Variants in CACNA1D observed in about 807,000 individuals in gnomAD.
CACNA1D encodes the protein calcium voltage-gated channel subunit alpha1 D.
In CACNA1D, 55 loss-of-function variants were observed where a neutral mutation model predicts 257.1. The ratio of observed to expected loss-of-function variants is 0.21; its 90% confidence interval spans 0.17 to 0.27. The LOEUF (loss-of-function observed/expected upper bound fraction) is 0.27. CACNA1D is among the 10% of genes least tolerant of loss of function. The pLI is 1.00. For synonymous variants in CACNA1D, 980 were observed against 1,014.9 expected, an observed-to-expected ratio of 0.97 and a Z score of 0.65; for missense variants, 1,876 against 2,784.0, an observed-to-expected ratio of 0.67 and a Z score of 7.34.
At chr3:53,588,241 G>A (rs949911788) in intron 3 of CACNA1D, among the ~76,000 whole-genome samples, 1 of 152,130 alleles carries the variant, frequency 6.6e-6, no homozygotes, top group African/African-American at 2.4e-5. Flanking sequence ...CAAGGGACCC[G>A]CTCTGTGAGG....
chr3:53,651,419 A>T (rs1326461820), intron 4 of CACNA1D, among the ~76,000 whole-genome samples: 1 of 112,928 alleles, frequency 8.9e-6, no homozygotes, highest in Non-Finnish European at 1.7e-5. Flanking sequence ...CTGGCATACT[A>T]CTGTTCCATT....
chr3:53,684,721 A>C (rs1228457783), intron 8 of CACNA1D, among the ~76,000 whole-genome samples: 1 of 152,120 alleles, frequency 6.6e-6, no homozygotes, highest in Non-Finnish European at 1.5e-5. Flanking sequence ...AAGTAAGCAC[A>C]AGGTATTATG....
At chr3:53,570,714 T>C (rs760285555) in intron 3 of CACNA1D, among the ~76,000 whole-genome samples, 24 of 152,260 alleles carry the variant, frequency 1.6e-4, no homozygotes, top group South Asian at 6.2e-4. Flanking sequence ...AAATAATGCA[T>C]GAGCAAAATA....
At chr3:53,647,480 T>C (rs1383818196) in intron 3 of CACNA1D, among the ~76,000 whole-genome samples, 1 of 152,230 alleles carries the variant, frequency 6.6e-6, no homozygotes, top group East Asian at 1.9e-4. Flanking sequence ...TCCTCTGTGC[T>C]TCCATCAGTC....
intron 3 of CACNA1D, among the ~76,000 whole-genome samples, chr3:53,630,691 G>A (rs899245937): frequency 3.3e-5 from 5 of 152,206 alleles, no homozygotes; most frequent in African/African-American, 1.2e-4. Flanking sequence ...CAAATGACAA[G>A]TTGGTTAAAA....
intron 3 of CACNA1D, among the ~76,000 whole-genome samples, chr3:53,583,960 G>A (rs1056389475): frequency 6.6e-6 from 1 of 152,222 alleles, no homozygotes; most frequent in Non-Finnish European, 1.5e-5. Flanking sequence ...GCATCAGCCT[G>A]TCTTGGAGAG....
At chr3:53,686,490 G>T (rs1212117565) in intron 8 of CACNA1D, among the ~76,000 whole-genome samples, 2 of 151,916 alleles carry the variant, frequency 1.3e-5, no homozygotes, top group Non-Finnish European at 2.9e-5. Flanking sequence ...AATATCTCAT[G>T]GCCAAGTGGG....
intron 28 of CACNA1D, among the ~76,000 whole-genome samples, chr3:53,752,388 A>G (rs1349832302): frequency 6.6e-6 from 1 of 152,026 alleles, no homozygotes; most frequent in Non-Finnish European, 1.5e-5. Context: ...CCCCTCAGAC[A>G]CTTTGTTTTT....
At chr3:53,809,819 CCATT>C in intron 46 of CACNA1D, 155 bp from the exon 47 acceptor site, 2 of 707,388 alleles carry the variant, frequency 2.8e-6, no homozygotes, top group South Asian at 3.0e-5. Context: ...TCATCACCGC[CCATT>C]CATTCAGCGT....
At chr3:53,732,110 G>A in intron 18 of CACNA1D, 28 bp downstream of exon 18, 2 of 1,559,270 alleles carry the variant, frequency 1.3e-6, no homozygotes, top group Non-Finnish European at 1.8e-6. Context: ...GGAGACGCTG[G>A]CTTTGCTGTG....
intron 3 of CACNA1D, among the ~76,000 whole-genome samples, chr3:53,649,893 A>T (rs955901051): frequency 2.6e-5 from 4 of 152,230 alleles, no homozygotes; most frequent in African/African-American, 7.2e-5. Flanking sequence ...TATAAAGAAA[A>T]CATTTGTAAA....
chr3:53,594,418 G>A (rs1321389446), intron 3 of CACNA1D, among the ~76,000 whole-genome samples: 3 of 151,726 alleles, frequency 2.0e-5, no homozygotes, highest in Non-Finnish European at 2.9e-5. Context: ...AGTGTTTGTC[G>A]AGCACTTACT....
At chr3:53,670,625 G>A (rs2094313665) in intron 7 of CACNA1D, among the ~76,000 whole-genome samples, 1 of 152,198 alleles carries the variant, frequency 6.6e-6, no homozygotes, top group African/African-American at 2.4e-5. Context: ...GATTGCAGGC[G>A]TGAGCTGCTG....
At chr3:53,674,769 G>GGGCA (rs1215583065) in intron 8 of CACNA1D, among the ~76,000 whole-genome samples, 2 of 152,162 alleles carry the variant, frequency 1.3e-5, no homozygotes, top group Non-Finnish European at 2.9e-5. Context: ...GGGTTGTGGG[G>GGGCA]GGCAGGCAGG....
intron 3 of CACNA1D, among the ~76,000 whole-genome samples, chr3:53,546,212 C>T (rs563987589): frequency 6.6e-6 from 1 of 152,272 alleles, no homozygotes; most frequent in East Asian, 1.9e-4. Flanking sequence ...TAGATGTTAC[C>T]ACTGCTCAAC....
intron 3 of CACNA1D, among the ~76,000 whole-genome samples, chr3:53,542,164 T>G (rs2092312686): frequency 6.6e-6 from 1 of 152,068 alleles, no homozygotes; most frequent in Non-Finnish European, 1.5e-5. Context: ...TATGTTTCAA[T>G]GAAGCTATTA....
intron 42 of CACNA1D, among the ~76,000 whole-genome samples, chr3:53,801,649 G>T (rs1466643358): frequency 6.6e-6 from 1 of 152,186 alleles, no homozygotes; most frequent in African/African-American, 2.4e-5. Context: ...CCTACATCCT[G>T]TGTGGGGTGC....
At chr3:53,636,611 A>C (rs763845738) in intron 3 of CACNA1D, among the ~76,000 whole-genome samples, 3 of 152,198 alleles carry the variant, frequency 2.0e-5, no homozygotes, top group Non-Finnish European at 4.4e-5. Flanking sequence ...CCTGGCCGAA[A>C]ACTATATACT....
intron 3 of CACNA1D, among the ~76,000 whole-genome samples, chr3:53,544,319 C>T (rs931691393): frequency 3.3e-5 from 5 of 151,910 alleles, no homozygotes; most frequent in African/African-American, 1.2e-4. Context: ...TTATATAGTA[C>T]AATATGGACA....
Sources: gnomAD v4.1 joint callset for allele counts (sites outside exome capture counted in the v4.1 genomes callset) on GRCh38, gnomAD v4.1.1 for gene constraint, MANE v1.5 for transcripts, NCBI Gene and HGNC (gene_info 2026-07-23, HGNC 2026-07-21) for gene names.